Variants in SNTG1 observed in about 807,000 individuals in gnomAD.
The protein encoded by SNTG1 is syntrophin gamma 1, also known as gamma-1-syntrophin.
In SNTG1, 39 loss-of-function variants were observed where a neutral mutation model predicts 74.7. The observed-to-expected ratio is 0.52, with a 90% CI of 0.40 to 0.68. SNTG1 has a LOEUF of 0.68. SNTG1 is among the 30% of genes least tolerant of loss of function. The pLI is 0.00. For synonymous variants in SNTG1, 254 were observed against 217.1 expected (o/e 1.17, Z -1.49); for missense variants, 685 against 609.5 (o/e 1.12, Z -1.30).
At chr8:50,540,485 G>T (rs1365525116) in intron 11 of SNTG1, among the ~76,000 whole-genome samples, 1 of 152,046 alleles carries the variant, frequency 6.6e-6, no homozygotes, top group Non-Finnish European at 1.5e-5. Context: ...TTAGTGCTGT[G>T]TTGTACGTAT....
chr8:50,524,552 A>G (rs1434077991), intron 9 of SNTG1, among the ~76,000 whole-genome samples: 1 of 152,014 alleles, frequency 6.6e-6, no homozygotes, highest in African/African-American at 2.4e-5. Flanking sequence ...TATCCCTTAA[A>G]CCACTTGTAT....
intron 9 of SNTG1, among the ~76,000 whole-genome samples, chr8:50,509,321 T>C (rs1451055821): frequency 6.6e-6 from 1 of 152,230 alleles, no homozygotes; most frequent in South Asian, 2.1e-4. Flanking sequence ...TTGGTTACTG[T>C]AGCCTTGTAG....
At chr8:50,039,622 A>C (rs1027593522) in intron 1 of SNTG1, among the ~76,000 whole-genome samples, 9 of 151,884 alleles carry the variant, frequency 5.9e-5, no homozygotes, top group Non-Finnish European at 8.8e-5. Flanking sequence ...TTCCCTATAC[A>C]TTTCTCTAAT....
intron 1 of SNTG1, among the ~76,000 whole-genome samples, chr8:49,917,943 A>G (rs1416733309): frequency 6.6e-6 from 1 of 150,772 alleles, no homozygotes; most frequent in Admixed American, 6.6e-5. Flanking sequence ...TGTGAAATCT[A>G]CTTTTTGCTT....
At position 50,525,738 on chromosome 8, in the gene SNTG1, C is replaced by T. The variant is rs2094214632; in HGVS notation, c.467-4439C>T. On this transcript the variant is annotated intron_variant, in intron 9 of 18. Coordinates refer to ENST00000642720, the MANE Select transcript of SNTG1 (RefSeq NM_018967.5). ...TTCTATATTTTTGACATTTTCAGTT[C>T]ATGCATAATTTTTCTAATTTTATTT... Among the ~76,000 whole-genome samples the T allele has an allele frequency of 4.0e-5, 6 of 151,884 alleles. No individual in the cohort carries two copies. In the South Asian group the frequency reaches 1.2e-3, roughly 32 times the overall value.
In SNTG1 at chr8:50,501,454, T is replaced by C. The variant is rs897087929; in HGVS notation, c.364-1324T>C. On this transcript the variant is annotated intron_variant, in intron 8 of 18. Transcript: ENST00000642720. ...TTTTTTTTTTTTTTTTTTTTTTTTT[T>C]CACGGAGTTTTGCTCTTGCTGCCCA... Among the ~76,000 whole-genome samples, 52 of 114,002 alleles carry C rather than the reference T, an allele frequency of 4.6e-4. 1 individual carries two copies. Among genetic ancestry groups the C allele is most frequent in the East Asian group, 7.6e-4 (3 of 3,948 alleles). 74.8% of individuals were successfully genotyped at this position (114,002 alleles called of 152,430 possible). A position where few individuals can be genotyped will look rare whatever the true frequency, so the allele number is the denominator to read the frequency against.
At chr8:49,963,455 T>C (rs2129772743) in intron 1 of SNTG1, among the ~76,000 whole-genome samples, 1 of 152,364 alleles carries the variant, frequency 6.6e-6, no homozygotes, top group South Asian at 2.1e-4. Flanking sequence ...TTTTGAGTCA[T>C]AGTTTGTAAG....
intron 18 of SNTG1, among the ~76,000 whole-genome samples, chr8:50,784,112 C>A (rs1487175188): frequency 6.6e-6 from 1 of 152,128 alleles, no homozygotes; most frequent in Non-Finnish European, 1.5e-5. Context: ...GTAGGAGATC[C>A]AGTTCGCCAG....
At chr8:50,381,540 G>C (rs2092479107) in intron 2 of SNTG1, among the ~76,000 whole-genome samples, 2 of 138,630 alleles carry the variant, frequency 1.4e-5, no homozygotes, top group South Asian at 4.6e-4. Flanking sequence ...TTCTCTAGAG[G>C]GACAGAACTA....
intron 1 of SNTG1, among the ~76,000 whole-genome samples, chr8:50,139,232 A>C (rs1298375955): frequency 6.6e-6 from 1 of 152,222 alleles, no homozygotes; most frequent in Non-Finnish European, 1.5e-5. Flanking sequence ...CATTTTAAAA[A>C]ACATTTTTAA....
At chr8:50,363,326 G>A (rs1350156837) in intron 2 of SNTG1, among the ~76,000 whole-genome samples, 1 of 152,158 alleles carries the variant, frequency 6.6e-6, no homozygotes, top group African/African-American at 2.4e-5. Flanking sequence ...ATAGTGCAAA[G>A]GTGGTGAATC....
At chr8:50,661,849 C>G (rs1374628326) in intron 15 of SNTG1, among the ~76,000 whole-genome samples, 1 of 152,088 alleles carries the variant, frequency 6.6e-6, no homozygotes, top group African/African-American at 2.4e-5. Flanking sequence ...AAGGAAGTCC[C>G]CCTCCCCTTA....
chr8:50,340,701 T>C (rs1280061811), intron 2 of SNTG1, among the ~76,000 whole-genome samples: 27 of 151,892 alleles, frequency 1.8e-4, no homozygotes, highest in Non-Finnish European at 4.4e-5. Flanking sequence ...AAGCATGATC[T>C]ATGAAAGAAA....
intron 2 of SNTG1, among the ~76,000 whole-genome samples, chr8:50,372,322 A>T (rs2092288648): frequency 6.6e-6 from 1 of 151,750 alleles, no homozygotes; most frequent in African/African-American, 2.4e-5. Flanking sequence ...AACATAAAAT[A>T]TCTTATATAA....
rs556738943 is a variant in SNTG1, at chr8:50,343,225, G to A, written c.-27-50987G>A. ...CTTTCAAACCCACACTAAAAAGTGG[G>A]GAAAATAGGTAAGAACGACCATCAG... is the stretch of plus-strand genomic sequence containing the variant. On this transcript the variant is annotated intron_variant, in intron 2 of 18. Coordinates refer to ENST00000642720, the MANE Select transcript of SNTG1 (RefSeq NM_018967.5). Among the ~76,000 whole-genome samples the A allele has an allele frequency of 6.9e-4, 105 of 152,180 alleles. 2 individuals are homozygous for A. In the South Asian group the frequency reaches 0.013, roughly 18 times the overall value.
At chr8:50,437,788 G>T (rs1385991447) in intron 4 of SNTG1, among the ~76,000 whole-genome samples, 1 of 152,166 alleles carries the variant, frequency 6.6e-6, no homozygotes, top group Non-Finnish European at 1.5e-5. Context: ...ATGTAAAGAT[G>T]ACTGCCCAAA....
intron 1 of SNTG1, among the ~76,000 whole-genome samples, chr8:50,158,846 A>G (rs2082329406): frequency 6.6e-6 from 1 of 152,170 alleles, no homozygotes; most frequent in African/African-American, 2.4e-5. Flanking sequence ...ATATCTGGTG[A>G]TAGAATCGCT....
intron 2 of SNTG1, among the ~76,000 whole-genome samples, chr8:50,313,408 T>C (rs1274187367): frequency 6.7e-6 from 1 of 149,562 alleles, no homozygotes; most frequent in African/African-American, 2.5e-5. Context: ...TATTTGCAAA[T>C]TGTATGCTGA....
In SNTG1 at chr8:50,212,111, GT is replaced by G. The variant is rs199711868; in HGVS notation, c.-28+39485del. ...ATTTTACATCTTTCTCTCAAAACTG[GT>G]TTTTTTTTCTCTCATTTTCTTCATC... is the stretch of plus-strand genomic sequence containing the variant. On this transcript the variant is annotated intron_variant, in intron 2 of 18. Transcript: ENST00000642720. Among the ~76,000 whole-genome samples, 32 of 151,014 alleles carry G rather than the reference GT, an allele frequency of 2.1e-4. 1 individual carries two copies. Among genetic ancestry groups the G allele is most frequent in the African/African-American group, 6.6e-4 (27 of 41,144 alleles).
Sources: gnomAD v4.1 joint callset for allele counts (sites outside exome capture counted in the v4.1 genomes callset) on GRCh38, gnomAD v4.1.1 for gene constraint, MANE v1.5 for transcripts, NCBI Gene and HGNC (gene_info 2026-07-23, HGNC 2026-07-21) for gene names.